Variants in MYLK observed in about 807,000 individuals in gnomAD.
MYLK encodes the protein myosin light chain kinase, smooth muscle.
MYLK carries 106 observed loss-of-function variants against 203.4 expected under a neutral mutation model. The observed-to-expected ratio is 0.52, with a 90% CI of 0.45 to 0.61. The LOEUF (loss-of-function observed/expected upper bound fraction) is 0.61, where lower values mean the gene tolerates loss of function less well. MYLK is among the 20% of genes least tolerant of loss of function. The probability of loss-of-function intolerance (pLI) is 0.00; values close to 1 mark genes in which losing one functional copy is unlikely to be tolerated. For synonymous variants in MYLK, 867 were observed against 959.5 expected, an observed-to-expected ratio of 0.90 and a Z score of 1.78; for missense variants, 2,072 against 2,442.3, an observed-to-expected ratio of 0.85 and a Z score of 3.20.
At chr3:123,692,163 G>A in intron 19 of MYLK, 1 of 302,552 alleles carries the variant, frequency 3.3e-6, no homozygotes. Flanking sequence ...GACCTGGCAG[G>A]CCTGCTTTCT....
intron 2 of MYLK, among the ~76,000 whole-genome samples, chr3:123,843,755 C>A (rs552970773): frequency 3.3e-5 from 5 of 152,262 alleles, no homozygotes; most frequent in African/African-American, 1.2e-4. Context: ...CCCCTCTCCT[C>A]CATAGCACAC....
intron 2 of MYLK, among the ~76,000 whole-genome samples, chr3:123,869,212 C>G (rs1300643393): frequency 6.6e-6 from 1 of 152,042 alleles, no homozygotes; most frequent in African/African-American, 2.4e-5. Flanking sequence ...AAGAGGAAAG[C>G]AGAAACCTCA....
At chr3:123,873,533 T>A (rs1016804662) in intron 2 of MYLK, among the ~76,000 whole-genome samples, 8 of 152,038 alleles carry the variant, frequency 5.3e-5, no homozygotes, top group African/African-American at 1.9e-4. Context: ...TTATCTATGA[T>A]GAAAATCTCA....
chr3:123,767,686 G>C (rs2063750161), intron 4 of MYLK, among the ~76,000 whole-genome samples: 1 of 152,230 alleles, frequency 6.6e-6, no homozygotes, highest in Non-Finnish European at 1.5e-5. Flanking sequence ...AAGCACGTTA[G>C]CCATAGTGAC....
chr3:123,881,395 G>A (rs1164572136), intron 1 of MYLK, among the ~76,000 whole-genome samples: 1 of 152,262 alleles, frequency 6.6e-6, no homozygotes, highest in South Asian at 2.1e-4. Context: ...GTTGGGAAAG[G>A]ATACTTTTTA....
At chr3:123,679,101 G>T (rs2060171586) in intron 20 of MYLK, among the ~76,000 whole-genome samples, 1 of 152,106 alleles carries the variant, frequency 6.6e-6, no homozygotes, top group African/African-American at 2.4e-5. Flanking sequence ...GAGGTCAAGA[G>T]ATCGAGACCA....
At chr3:123,794,348 G>T (rs1560226564) in intron 3 of MYLK, among the ~76,000 whole-genome samples, 1 of 152,204 alleles carries the variant, frequency 6.6e-6, no homozygotes, top group Non-Finnish European at 1.5e-5. Context: ...GTAGTTTGGG[G>T]TTAATATGGC....
chr3:123,847,140 T>C (rs1223884244), intron 2 of MYLK, among the ~76,000 whole-genome samples: 7 of 152,156 alleles, frequency 4.6e-5, no homozygotes, highest in Non-Finnish European at 8.8e-5. Context: ...ACTATTTACA[T>C]AGCCTTTACA....
At chr3:123,860,330 G>A (rs1007229850) in intron 2 of MYLK, among the ~76,000 whole-genome samples, 3 of 152,190 alleles carry the variant, frequency 2.0e-5, no homozygotes, top group Non-Finnish European at 1.5e-5. Flanking sequence ...GTTGCACTGG[G>A]GTGGACAGCT....
chr3:123,640,584 TG>T lies in MYLK; in HGVS notation c.4620-81del, dbSNP rs972116122. The T allele has an allele frequency of 4.2e-5, 62 of 1,489,428 alleles. No homozygotes were observed. In the Admixed American group the frequency reaches 1.0e-3, roughly 25 times the overall value. 92.3% of individuals were successfully genotyped at this position (1,489,428 alleles called of 1,614,324 possible). A position where few individuals can be genotyped will look rare whatever the true frequency, so the allele number is the denominator to read the frequency against. On this transcript the variant is annotated intron_variant, in intron 27 of 33. Transcript: ENST00000360304. This position sits in a 1 kb window ranked among gnomAD's most constrained non-coding sequence, Gnocchi z 4.3. Reference sequence around the variant, plus strand: ...GGCAGGGAGTCTGGCCAGGGTAGGCTGGGGGTAGGAGAAATTGGCAGGAAAG... The same window carrying T: ...GGCAGGGAGTCTGGCCAGGGTAGGCTGGGGTAGGAGAAATTGGCAGGAAAG...
At chr3:123,784,376 C>CTTTTTTTTTTTTTTTTTTTTTTT (rs576849217) in intron 4 of MYLK, among the ~76,000 whole-genome samples, 1 of 78,692 alleles carries the variant, frequency 1.3e-5, no homozygotes, top group Admixed American at 1.5e-4. Context: ...GGTTGACTTT[C>CTTTTTTTTTTTTTTTTTTTTTTT]TTTTTTTTTT....
At chr3:123,727,986 T>C (rs961571620) in intron 11 of MYLK, among the ~76,000 whole-genome samples, 1 of 152,120 alleles carries the variant, frequency 6.6e-6, no homozygotes, top group African/African-American at 2.4e-5. Flanking sequence ...CATGGTAAAC[T>C]CATCTGCCAA....
chr3:123,703,316 C>T (rs548907171), intron 16 of MYLK, among the ~76,000 whole-genome samples: 10 of 152,310 alleles, frequency 6.6e-5, no homozygotes, highest in Admixed American at 2.0e-4. Context: ...GCCCTCCTCC[C>T]GCCTGCTGGG....
At chr3:123,738,779 C>G (rs190982685) in intron 7 of MYLK, 118 bp downstream of exon 7, 11 of 1,346,450 alleles carry the variant, frequency 8.2e-6, no homozygotes, top group Non-Finnish European at 1.1e-5. Context: ...CCATGTGGAA[C>G]GGTGAGTCCA....
intron 13 of MYLK, among the ~76,000 whole-genome samples, chr3:123,718,028 AT>A (rs1226313821): frequency 1.3e-5 from 2 of 151,954 alleles, no homozygotes; most frequent in African/African-American, 4.8e-5. Flanking sequence ...CTCCCGGCTA[AT>A]TTTTGTGTTT....
intron 1 of MYLK, among the ~76,000 whole-genome samples, chr3:123,879,220 C>T (rs1305436765): frequency 1.3e-5 from 2 of 152,182 alleles, no homozygotes; most frequent in African/African-American, 2.4e-5. Context: ...TAAAATAAAA[C>T]AATTTCAGAT....
At chr3:123,775,848 G>A (rs763036071) in intron 4 of MYLK, among the ~76,000 whole-genome samples, 2 of 152,098 alleles carry the variant, frequency 1.3e-5, no homozygotes, top group African/African-American at 4.8e-5. Flanking sequence ...TTAAACTCAC[G>A]GCTCTCTCAC....
chr3:123,616,110 TA>T (rs143161423), intron 33 of MYLK, among the ~76,000 whole-genome samples: 18 of 152,306 alleles, frequency 1.2e-4, no homozygotes, highest in Non-Finnish European at 2.2e-4. Flanking sequence ...GCATTTAAAA[TA>T]GGTGAATTTT....
At position 123,793,375 on chromosome 3, in the gene MYLK, G is replaced by A. The variant is rs114264139; in HGVS notation, c.165+302C>T. The stretch of plus-strand genomic sequence containing the variant: ...CCCAAGCTGTATTCTTCCTGCCACC[G>A]GACCGCGTCTTCTTTTTCTGTAATT... On this transcript the variant is annotated intron_variant, in intron 4 of 33. Transcript: ENST00000360304. Among the ~76,000 whole-genome samples the A allele has an allele frequency of 1.8e-3, 271 of 152,146 alleles. 2 individuals carry two copies. The highest frequency in any genetic ancestry group is 6.3e-3 in the African/African-American group (260 of 41,486).
Sources: gnomAD v4.1 joint callset for allele counts (sites outside exome capture counted in the v4.1 genomes callset) on GRCh38, gnomAD v4.1.1 for gene constraint, Gnocchi (gnomAD v3.1) non-coding constraint, MANE v1.5 for transcripts, NCBI Gene and HGNC (gene_info 2026-07-23, HGNC 2026-07-21) for gene names.